Variants in SGMS1 observed in about 807,000 individuals in gnomAD.
The protein encoded by SGMS1 is phosphatidylcholine:ceramide cholinephosphotransferase 1.
A neutral mutation model predicts 46.2 loss-of-function variants in SGMS1; 13 were observed. That is an observed-to-expected ratio of 0.28 (90% CI 0.18 to 0.45). SGMS1 has a LOEUF of 0.45. Ranked by LOEUF, SGMS1 falls within the 20% of genes least tolerant of loss-of-function variation. The pLI is 1.00. For missense variants in SGMS1, 324 were observed against 519.9 expected, an observed-to-expected ratio of 0.62 and a Z score of 3.66; for synonymous variants, 203 against 187.8, an observed-to-expected ratio of 1.08 and a Z score of -0.66.
chr10:50,338,652 C>G (rs907528749), intron 7 of SGMS1, among the ~76,000 whole-genome samples: 1 of 152,090 alleles, frequency 6.6e-6, no homozygotes, highest in South Asian at 2.1e-4. Flanking sequence ...GAGTTCAGCC[C>G]TTCTCATTAC....
intron 6 of SGMS1, among the ~76,000 whole-genome samples, chr10:50,408,341 G>A (rs768606854): frequency 2.0e-4 from 30 of 147,492 alleles, no homozygotes; most frequent in Admixed American, 7.6e-4. Context: ...AGTGGCTCAC[G>A]CCTGTAATCC....
chr10:50,538,229 A>G (rs1168831134), intron 2 of SGMS1, among the ~76,000 whole-genome samples: 1 of 151,996 alleles, frequency 6.6e-6, no homozygotes, highest in African/African-American at 2.4e-5. Flanking sequence ...AGGCCGAGGC[A>G]GGCAGATCAT....
chr10:50,343,548 A>G lies in SGMS1; in HGVS notation c.567T>C (p.Ile189=). ...AGAGTCCTACAAGGATCATGCCATT[A>G]ATTTCACAAATAGAAAAGGCCCACT... The part of the protein sequence containing the change: ...RVQWAFSICE[I]NGMILVGLWL... Residue 189 remains isoleucine, a synonymous_variant, in exon 7 of 11, where the codon ATT becomes ATC. Transcript: ENST00000361781. The G allele has an allele frequency of 6.2e-7, 1 of 1,614,072 alleles. No individual in the cohort carries two copies.
At chr10:50,362,130 T>C (rs1227275364) in intron 6 of SGMS1, among the ~76,000 whole-genome samples, 2 of 152,226 alleles carry the variant, frequency 1.3e-5, no homozygotes, top group African/African-American at 4.8e-5. Flanking sequence ...AGATGACTTA[T>C]GGTTCCAGAA....
At chr10:50,576,815 T>C (rs1406453728) in intron 2 of SGMS1, among the ~76,000 whole-genome samples, 3 of 152,204 alleles carry the variant, frequency 2.0e-5, no homozygotes, top group Non-Finnish European at 4.4e-5. Context: ...GAATCCAAAT[T>C]ATAATTACCA....
chr10:50,401,173 GA>G (rs1848935189), intron 6 of SGMS1, among the ~76,000 whole-genome samples: 1 of 152,128 alleles, frequency 6.6e-6, no homozygotes, highest in Admixed American at 6.5e-5. Context: ...CTGCCTTGCT[GA>G]AAAACAGCAA....
chr10:50,561,519 A>G (rs1337210956), intron 2 of SGMS1, among the ~76,000 whole-genome samples: 1 of 152,222 alleles, frequency 6.6e-6, no homozygotes, highest in Non-Finnish European at 1.5e-5. Flanking sequence ...AGTTCGTCAC[A>G]TTGATGCCAA....
At chr10:50,515,443 AC>A (rs1837792845) in intron 3 of SGMS1, among the ~76,000 whole-genome samples, 1 of 152,200 alleles carries the variant, frequency 6.6e-6, no homozygotes, top group Non-Finnish European at 1.5e-5. Flanking sequence ...GCAACTCATA[AC>A]CTTCAAAGGG....
intron 6 of SGMS1, among the ~76,000 whole-genome samples, chr10:50,349,445 A>G (rs1589398559): frequency 6.6e-6 from 1 of 152,350 alleles, no homozygotes; most frequent in Admixed American, 6.5e-5. Flanking sequence ...TTGAGAGTCT[A>G]TCCAGCTACT....
chr10:50,574,961 G>GTATATATATATATATATATA (rs1491469065), intron 2 of SGMS1, among the ~76,000 whole-genome samples: 1,825 of 44,698 alleles, frequency 0.041, 121 homozygotes, highest in East Asian at 0.11. Context: ...GGAAAATGTG[G>GTATATATATATATATATATA]TGTATATATA....
chr10:50,599,691 C>T (rs559052071), intron 1 of SGMS1, among the ~76,000 whole-genome samples: 4 of 152,128 alleles, frequency 2.6e-5, no homozygotes, highest in Admixed American at 6.5e-5. Context: ...AGTGAAACCC[C>T]GTCTCTATTA....
At chr10:50,549,958 TA>T (rs1226879588) in intron 2 of SGMS1, among the ~76,000 whole-genome samples, 1 of 152,186 alleles carries the variant, frequency 6.6e-6, no homozygotes, top group African/African-American at 2.4e-5. Context: ...AAAAGCTACA[TA>T]AACCACCATC....
At chr10:50,482,971 T>G (rs1338451327) in intron 3 of SGMS1, among the ~76,000 whole-genome samples, 2 of 152,226 alleles carry the variant, frequency 1.3e-5, no homozygotes, top group Non-Finnish European at 2.9e-5. Context: ...AGGCATTACA[T>G]AATGGTAAAG....
chr10:50,553,203 A>G (rs1463622169), intron 2 of SGMS1, among the ~76,000 whole-genome samples: 5 of 152,208 alleles, frequency 3.3e-5, no homozygotes, highest in African/African-American at 9.7e-5. Flanking sequence ...AGGTTTTATC[A>G]TCCACTTAAG....
At chr10:50,465,345 A>T (rs950672037) in intron 4 of SGMS1, among the ~76,000 whole-genome samples, 3 of 152,174 alleles carry the variant, frequency 2.0e-5, no homozygotes, top group African/African-American at 7.2e-5. Flanking sequence ...AAAATCAGGG[A>T]TCAAAACAAG....
At chr10:50,431,749 A>T (rs2133616114) in intron 6 of SGMS1, among the ~76,000 whole-genome samples, 1 of 152,268 alleles carries the variant, frequency 6.6e-6, no homozygotes, top group Non-Finnish European at 1.5e-5. Flanking sequence ...AGGAATCCTG[A>T]CTACTTGTCT....
intron 7 of SGMS1, chr10:50,341,531 C>A: frequency 2.3e-6 from 1 of 435,882 alleles, no homozygotes; most frequent in Non-Finnish European, 4.6e-6. Flanking sequence ...ATTGGCCCAT[C>A]CAATTATGTT....
chr10:50,479,251 A>G (rs1195163676), intron 3 of SGMS1, among the ~76,000 whole-genome samples: 2 of 152,106 alleles, frequency 1.3e-5, no homozygotes, highest in South Asian at 2.1e-4. Context: ...CAGCCAAAAG[A>G]TAAGTGTCCA....
intron 2 of SGMS1, among the ~76,000 whole-genome samples, chr10:50,548,681 A>G (rs889753441): frequency 2.6e-5 from 4 of 152,370 alleles, no homozygotes; most frequent in Non-Finnish European, 4.4e-5. Context: ...GCCAAAAGCC[A>G]TTGCAACAAA....
Sources: gnomAD v4.1 joint callset for allele counts (sites outside exome capture counted in the v4.1 genomes callset) on GRCh38, gnomAD v4.1.1 for gene constraint, MANE v1.5 for transcripts, NCBI Gene and HGNC (gene_info 2026-07-23, HGNC 2026-07-21) for gene names.